CDC73: variants seen among roughly 807,000 people sequenced by gnomAD.
The protein encoded by CDC73 is cell division cycle 73.
In CDC73, 21 loss-of-function variants were observed where a neutral mutation model predicts 83.7. The ratio of observed to expected loss-of-function variants is 0.25; its 90% CI spans 0.18 to 0.36. CDC73 has a LOEUF of 0.36. Ranked by LOEUF, CDC73 falls within the 10% of genes least tolerant of loss-of-function variation. The probability of loss-of-function intolerance (pLI) is 1.00; values close to 1 mark genes in which losing one functional copy is unlikely to be tolerated. For synonymous variants in CDC73, 224 were observed against 212.9 expected, an observed-to-expected ratio of 1.05 and a Z score of -0.45; for missense variants, 342 against 653.3, an observed-to-expected ratio of 0.52 and a Z score of 5.19.
chr1:193,161,260 A>C (rs1363915948), intron 10 of CDC73: 1 of 175,822 alleles, frequency 5.7e-6, no homozygotes, highest in Non-Finnish European at 1.2e-5. Context: ...GGACTGGACA[A>C]ATCTTGCTAT....
chr1:193,125,224 A>AAAAT lies in CDC73; in HGVS notation c.237+7_237+8insAAAT. 7 of 1,459,866 alleles carry AAAAT rather than the reference A, an allele frequency of 4.8e-6. No individual in the cohort carries two copies. Among genetic ancestry groups the AAAAT allele is most frequent in the Non-Finnish European group, 6.7e-6 (7 of 1,039,700 alleles). The allele number at this position is 1,459,866 out of a possible 1,614,324, so 90.4% of individuals were successfully genotyped here. A position where few individuals can be genotyped will look rare whatever the true frequency, so the allele number is the denominator to read the frequency against. On this transcript the variant is annotated splice_region_variant and intron_variant, in intron 2 of 16. Coordinates refer to ENST00000367435, the MANE Select transcript of CDC73 (RefSeq NM_024529.5). The stretch of plus-strand genomic sequence containing the variant: ...TTATGTCCGACGTGCAGCTGTAAGT[A>AAAAT]GAATTCATTTTACTTATCTATCTAT...
intron 8 of CDC73, among the ~76,000 whole-genome samples, chr1:193,149,567 A>G (rs1676069344): frequency 6.6e-6 from 1 of 152,160 alleles, no homozygotes; most frequent in African/African-American, 2.4e-5. Flanking sequence ...GAAGGTTTTA[A>G]TGTTTGGCAT....
chr1:193,183,180 T>C (rs1001880314), intron 10 of CDC73, among the ~76,000 whole-genome samples: 12 of 151,782 alleles, frequency 7.9e-5, no homozygotes, highest in African/African-American at 2.4e-4. Flanking sequence ...TGATTGAAAG[T>C]GTTAGATGTA....
chr1:193,149,594 A>G (rs1676069891), intron 8 of CDC73, among the ~76,000 whole-genome samples: 1 of 152,196 alleles, frequency 6.6e-6, no homozygotes, highest in African/African-American at 2.4e-5. Context: ...ATAGAAGTAT[A>G]TGCCTAGTGT....
In CDC73 at chr1:193,130,794, T is replaced by C. The variant is rs1239413325; in HGVS notation, c.307+551T>C. On this transcript the variant is annotated intron_variant, in intron 3 of 16. Coordinates refer to ENST00000367435, the MANE Select transcript of CDC73 (RefSeq NM_024529.5). ...TTAAGGATTGCTACATCCTTTGGTCTCTTGTACCATACTTGACCTCTCAAC... is the reference window on the plus strand; with the variant it reads ...TTAAGGATTGCTACATCCTTTGGTCCCTTGTACCATACTTGACCTCTCAAC... Among the ~76,000 whole-genome samples, 5 of 152,220 alleles carry C rather than the reference T, an allele frequency of 3.3e-5. No homozygotes were observed. The East Asian group carries it at 7.7e-4, about 23-fold the overall frequency.
In CDC73 at chr1:193,148,639, A is replaced by ATT. The variant is rs894987430; in HGVS notation, c.828+699_828+700dup. On this transcript the variant is annotated intron_variant, in intron 8 of 16. Transcript: ENST00000367435. ...AGATTCTATAAATAGAAAATTTATAATTTTTTTTTTTTTTTTTTTTTTTTT... is the reference window on the plus strand; with the variant it reads ...AGATTCTATAAATAGAAAATTTATAATTTTTTTTTTTTTTTTTTTTTTTTTTT... Among the ~76,000 whole-genome samples the ATT allele has an allele frequency of 1.5e-3, 173 of 113,676 alleles. 1 individual carries two copies. The highest frequency in any genetic ancestry group is 2.3e-3 in the African/African-American group (68 of 28,980). 74.6% of individuals were successfully genotyped at this position (113,676 alleles called of 152,430 possible). A position where few individuals can be genotyped will look rare whatever the true frequency, so the allele number is the denominator to read the frequency against.
chr1:193,211,607 G>A (rs1000379079), intron 11 of CDC73, among the ~76,000 whole-genome samples: 1 of 152,184 alleles, frequency 6.6e-6, no homozygotes, highest in Non-Finnish European at 1.5e-5. Context: ...CAAGCACTGT[G>A]ATAACAGTGA....
chr1:193,154,812 A>G (rs533664943), intron 10 of CDC73, among the ~76,000 whole-genome samples: 1 of 152,252 alleles, frequency 6.6e-6, no homozygotes, highest in South Asian at 2.1e-4. Context: ...TGGAATTACT[A>G]CCTATTTGTG....
At position 193,122,129 on chromosome 1, in the gene CDC73, G is replaced by T. The variant is rs1675458995; in HGVS notation, c.-72G>T. 1 of 1,484,154 alleles carries T rather than the reference G, an allele frequency of 6.7e-7. No individual in the cohort carries two copies. The highest frequency in any genetic ancestry group is 1.1e-5 in the South Asian group (1 of 88,174). 91.9% of individuals were successfully genotyped at this position (1,484,154 alleles called of 1,614,324 possible). A position where few individuals can be genotyped will look rare whatever the true frequency, so the allele number is the denominator to read the frequency against. ...AGGAGGAGGAGGAAGAGGGCGAGGC[G>T]ACAAGAGAAGAAGGAGGCAGGCGCG... On this transcript the variant is annotated 5_prime_UTR_variant, in exon 1 of 17. Transcript: ENST00000367435.
intron 14 of CDC73, 41 bp from the exon 15 acceptor site, chr1:193,236,215 G>A (rs777174036): frequency 3.2e-5 from 37 of 1,168,328 alleles, no homozygotes; most frequent in East Asian, 7.0e-5. Flanking sequence ...AATAATCTCC[G>A]TCTGTCCCCT....
intron 8 of CDC73, among the ~76,000 whole-genome samples, chr1:193,149,340 A>G (rs935136975): frequency 6.6e-6 from 1 of 151,290 alleles, no homozygotes; most frequent in African/African-American, 2.4e-5. Context: ...ACGACCATGT[A>G]ACCTAGATCT....
chr1:193,153,652 T>A (rs1676159381), intron 10 of CDC73, among the ~76,000 whole-genome samples: 1 of 152,236 alleles, frequency 6.6e-6, no homozygotes, highest in Non-Finnish European at 1.5e-5. Flanking sequence ...GACTTCAAAT[T>A]GGGATTGGAT....
intron 10 of CDC73, among the ~76,000 whole-genome samples, chr1:193,202,630 T>C (rs1677111802): frequency 6.6e-6 from 1 of 150,996 alleles, no homozygotes; most frequent in Admixed American, 6.6e-5. Context: ...TTTTTTTTTT[T>C]TCCTTCTTGG....
chr1:193,163,422 G>A (rs1018626076), intron 10 of CDC73, among the ~76,000 whole-genome samples: 6 of 152,012 alleles, frequency 3.9e-5, no homozygotes, highest in African/African-American at 1.2e-4. Flanking sequence ...CAGGTAGATT[G>A]ATTAAGCCCA....
chr1:193,252,135 A>G lies in CDC73; in HGVS notation c.*1423A>G, dbSNP rs751428695. 1 of 231,122 alleles carries G rather than the reference A, an allele frequency of 4.3e-6. No individual in the cohort carries two copies. The highest frequency in any genetic ancestry group is 8.6e-6 in the Non-Finnish European group (1 of 116,672). The allele number at this position is 231,122 out of a possible 1,614,324, so 14.3% of individuals were successfully genotyped here. A position where few individuals can be genotyped will look rare whatever the true frequency, so the allele number is the denominator to read the frequency against. ...TAGTAACTAGAAAAGATATTTATTC[A>G]CATGATATTTACAAGGCTCTTCAGA... On this transcript the variant is annotated 3_prime_UTR_variant, in exon 17 of 17. Coordinates refer to ENST00000367435, the MANE Select transcript of CDC73 (RefSeq NM_024529.5).
At chr1:193,163,709 T>C (rs1438366592) in intron 10 of CDC73, among the ~76,000 whole-genome samples, 1 of 151,778 alleles carries the variant, frequency 6.6e-6, no homozygotes, top group Non-Finnish European at 1.5e-5. Flanking sequence ...TGAGTCATCA[T>C]TAATATTTTT....
chr1:193,196,567 T>G (rs1023609593), intron 10 of CDC73, among the ~76,000 whole-genome samples: 2 of 152,216 alleles, frequency 1.3e-5, no homozygotes, highest in Admixed American at 1.3e-4. Context: ...GAAATCTTAA[T>G]ATTTTTCTAG....
At chr1:193,219,867 A>G (rs1482101102) in intron 13 of CDC73, among the ~76,000 whole-genome samples, 1 of 152,190 alleles carries the variant, frequency 6.6e-6, no homozygotes, top group Admixed American at 6.5e-5. Context: ...CTGCACGTGT[A>G]CCTCTTGACC....
Position 193,203,895 on chromosome 1 carries a change from C to A in CDC73, c.1030+43C>A, listed in dbSNP as rs773585604. On this transcript the variant is annotated intron_variant, in intron 11 of 16. Coordinates refer to ENST00000367435, the MANE Select transcript of CDC73 (RefSeq NM_024529.5). ...TGCTTTTTGTTTTCTTTCAAAAGATCGTAACAGTGCAAGTTTTTAGTATGC... is the reference window on the plus strand; with the variant it reads ...TGCTTTTTGTTTTCTTTCAAAAGATAGTAACAGTGCAAGTTTTTAGTATGC... 4.4e-5 allele frequency: 67 copies of A among 1,524,002 alleles called. No homozygotes were observed. In the Admixed American group the frequency reaches 1.1e-3, roughly 25 times the overall value. 94.4% of individuals were successfully genotyped at this position (1,524,002 alleles called of 1,614,324 possible).
Sources: gnomAD v4.1 joint callset for allele counts (sites outside exome capture counted in the v4.1 genomes callset) on GRCh38, gnomAD v4.1.1 for gene constraint, MANE v1.5 for transcripts, NCBI Gene and HGNC (gene_info 2026-07-23, HGNC 2026-07-21) for gene names.